AFG1L: variants seen among roughly 807,000 people sequenced by gnomAD.
The protein encoded by AFG1L is AFG1 like ATPase.
In AFG1L, 53 loss-of-function variants were observed where a neutral mutation model predicts 62.2. The ratio of observed to expected loss-of-function variants is 0.85; its 90% CI spans 0.68 to 1.07. The LOEUF is 1.07. Among genes scored for constraint, AFG1L ranks in the 50% least tolerant of loss-of-function variants. The probability of loss-of-function intolerance (pLI) is 0.00; values close to 1 mark genes in which losing one functional copy is unlikely to be tolerated. For missense variants in AFG1L, 555 were observed against 590.5 expected, an observed-to-expected ratio of 0.94 and a Z score of 0.62; for synonymous variants, 228 against 210.3, an observed-to-expected ratio of 1.08 and a Z score of -0.73.
intron 7 of AFG1L, among the ~76,000 whole-genome samples, chr6:108,432,033 A>G (rs1359025663): frequency 1.3e-5 from 2 of 150,310 alleles, no homozygotes; most frequent in Non-Finnish European, 3.0e-5. Flanking sequence ...GTATGCCATC[A>G]GGTGCCGGCG....
chr6:108,445,167 C>A (rs1056012328), intron 7 of AFG1L, among the ~76,000 whole-genome samples: 1 of 152,224 alleles, frequency 6.6e-6, no homozygotes, highest in African/African-American at 2.4e-5. Flanking sequence ...CATGAACCAA[C>A]CTCTGCTAGC....
At chr6:108,372,939 T>C (rs12215568) in intron 6 of AFG1L, 1,572 of 152,780 alleles carry the variant, frequency 0.01, 16 homozygotes, top group Non-Finnish European at 0.017. Flanking sequence ...ATGGTCTGAC[T>C]CAGCATATGC....
intron 4 of AFG1L, 134 bp from the exon 5 acceptor site, chr6:108,356,556 A>C (rs192883429): frequency 7.5e-4 from 403 of 539,868 alleles, no homozygotes; most frequent in Middle Eastern, 4.0e-3. Flanking sequence ...TCAATGATCA[A>C]ATTTGATTTT....
chr6:108,484,684 C>G (rs562784187), intron 10 of AFG1L, among the ~76,000 whole-genome samples: 5 of 152,186 alleles, frequency 3.3e-5, no homozygotes, highest in African/African-American at 1.2e-4. Context: ...TTTCACGAGT[C>G]CTCAGAATGA....
chr6:108,373,430 AG>A (rs1780103305), intron 6 of AFG1L, among the ~76,000 whole-genome samples: 1 of 152,122 alleles, frequency 6.6e-6, no homozygotes, highest in Non-Finnish European at 1.5e-5. Flanking sequence ...TTCCTCATCC[AG>A]TCGTCATTAA....
chr6:108,357,907 G>A (rs1255906267), intron 5 of AFG1L, among the ~76,000 whole-genome samples: 2 of 152,174 alleles, frequency 1.3e-5, no homozygotes, highest in Non-Finnish European at 2.9e-5. Flanking sequence ...TGATGGAGGG[G>A]AAAGAATTTT....
chr6:108,486,158 A>C (rs1389635661), intron 10 of AFG1L, among the ~76,000 whole-genome samples: 1 of 152,192 alleles, frequency 6.6e-6, no homozygotes, highest in Non-Finnish European at 1.5e-5. Flanking sequence ...ATTAATATGA[A>C]TATAAAACAC....
chr6:108,364,228 C>T (rs1298233948), intron 5 of AFG1L, among the ~76,000 whole-genome samples: 2 of 152,144 alleles, frequency 1.3e-5, no homozygotes, highest in Admixed American at 6.6e-5. Flanking sequence ...CCGGCAAGGC[C>T]GAACAAGTGC....
At chr6:108,445,970 C>T (rs1373393236) in intron 7 of AFG1L, among the ~76,000 whole-genome samples, 1 of 151,910 alleles carries the variant, frequency 6.6e-6, no homozygotes, top group African/African-American at 2.4e-5. Context: ...CAAACTTTCA[C>T]TTTGTAAAAA....
rs1491264610 is a variant in AFG1L, at chr6:108,449,158, AGT to A, written c.890+1863_890+1864del. Among the ~76,000 whole-genome samples the A allele has an allele frequency of 1.5e-3, 131 of 86,558 alleles. 2 individuals carry two copies. The highest frequency in any genetic ancestry group is 1.3e-3 in the South Asian group (4 of 3,186). 56.8% of individuals were successfully genotyped at this position (86,558 alleles called of 152,430 possible). On this transcript the variant is annotated intron_variant, in intron 8 of 12. Coordinates refer to ENST00000368977, the MANE Select transcript of AFG1L (RefSeq NM_145315.5). Reference sequence around the variant, plus strand: ...GCAAGACCCTGTTTCAAAAAAAAAAAGTATATATATATATATATAAGTGTATA... The same window carrying A: ...GCAAGACCCTGTTTCAAAAAAAAAAAATATATATATATATATAAGTGTATA...
chr6:108,522,212 TA>T (rs1171594073), intron 12 of AFG1L, 84 bp from the exon 13 acceptor site: 22 of 1,345,122 alleles, frequency 1.6e-5, no homozygotes, highest in Middle Eastern at 3.7e-4. Context: ...CCGGTAAGCC[TA>T]AAAAGTTTTT....
intron 10 of AFG1L, among the ~76,000 whole-genome samples, chr6:108,487,580 T>A (rs1233508187): frequency 6.6e-6 from 1 of 152,178 alleles, no homozygotes; most frequent in South Asian, 2.1e-4. Context: ...GCTGTAACAG[T>A]CTCCTTTAAA....
At chr6:108,416,927 A>G (rs1435785742) in intron 7 of AFG1L, among the ~76,000 whole-genome samples, 2 of 151,558 alleles carry the variant, frequency 1.3e-5, no homozygotes, top group Non-Finnish European at 2.9e-5. Flanking sequence ...GTATAATAAT[A>G]ATAATAAATA....
At chr6:108,383,220 G>A (rs185388651) in intron 6 of AFG1L, among the ~76,000 whole-genome samples, 7 of 152,256 alleles carry the variant, frequency 4.6e-5, no homozygotes, top group Non-Finnish European at 7.4e-5. Flanking sequence ...GCAACAGAGC[G>A]AGTCTGTCTG....
intron 6 of AFG1L, among the ~76,000 whole-genome samples, chr6:108,377,693 A>G (rs1029781294): frequency 1.3e-5 from 2 of 151,496 alleles, no homozygotes; most frequent in Non-Finnish European, 2.9e-5. Context: ...TTTAACACTG[A>G]CCTTGGACAG....
intron 7 of AFG1L, among the ~76,000 whole-genome samples, chr6:108,403,866 G>A (rs563303259): frequency 1.3e-5 from 2 of 151,226 alleles, no homozygotes; most frequent in South Asian, 2.1e-4. Context: ...TATAATAGCA[G>A]TATTAATAGG....
At chr6:108,496,440 A>G (rs550388899) in intron 10 of AFG1L, among the ~76,000 whole-genome samples, 3 of 152,218 alleles carry the variant, frequency 2.0e-5, no homozygotes, top group Non-Finnish European at 2.9e-5. Context: ...GGTGAATAGA[A>G]CTCCCTGTCT....
At chr6:108,327,412 G>C (rs1778091038) in intron 2 of AFG1L, among the ~76,000 whole-genome samples, 1 of 152,196 alleles carries the variant, frequency 6.6e-6, no homozygotes, top group African/African-American at 2.4e-5. Flanking sequence ...ATAAACAACA[G>C]AAAAAGATTT....
At chr6:108,406,023 G>A (rs920357638) in intron 7 of AFG1L, among the ~76,000 whole-genome samples, 8 of 152,108 alleles carry the variant, frequency 5.3e-5, no homozygotes, top group East Asian at 1.9e-4. Context: ...TTGTTTATCC[G>A]TTCACCTGCC....
Sources: gnomAD v4.1 joint callset for allele counts (sites outside exome capture counted in the v4.1 genomes callset) on GRCh38, gnomAD v4.1.1 for gene constraint, MANE v1.5 for transcripts, NCBI Gene and HGNC (gene_info 2026-07-23, HGNC 2026-07-21) for gene names.